PRDM15: variants seen among roughly 807,000 people sequenced by gnomAD.
The protein encoded by PRDM15 is PR domain zinc finger protein 15.
Under a neutral mutation model 128.6 loss-of-function variants are expected in PRDM15, and 64 were observed. That is an observed-to-expected ratio of 0.50 (90% CI 0.41 to 0.61). The LOEUF (loss-of-function observed/expected upper bound fraction) is 0.61. PRDM15 is among the 20% of genes least tolerant of loss of function. The pLI is 0.00. For synonymous variants in PRDM15, 615 were observed against 621.8 expected, an observed-to-expected ratio of 0.99 and a Z score of 0.16; for missense variants, 1,242 against 1,569.1, an observed-to-expected ratio of 0.79 and a Z score of 3.52.
rs761207643 is a variant in PRDM15, at chr21:41,854,656, G to C, written c.448C>G (p.Pro150Ala). The C allele has an allele frequency of 5.0e-6, 8 of 1,613,808 alleles. No homozygotes were observed. Among genetic ancestry groups the C allele is most frequent in the Non-Finnish European group, 6.8e-6 (8 of 1,179,996 alleles). ...TACCACACGCGCAGCTCGGTACCCGGGGGGATGTCTCTGGAGGTGGTGAAG... is the reference window on the plus strand; with the variant it reads ...TACCACACGCGCAGCTCGGTACCCGCGGGGATGTCTCTGGAGGTGGTGAAG... ...VYFTTSRDIP[P>A]GTELRVWYAA... Residue 150 changes from proline to alanine, a missense_variant, in exon 5 of 24, where the codon CCG (proline) becomes GCG (alanine). This residue lies in a region of PRDM15 where 612 missense variants were observed against 717.0 expected (regional missense o/e 0.85). Coordinates refer to ENST00000398548, the MANE Select transcript of PRDM15 (RefSeq NM_001040424.3). The surrounding 1 kb of genome is among the most constrained non-coding windows in gnomAD (Gnocchi z 4.6).
chr21:41,836,186 T>A lies in PRDM15; in HGVS notation c.1205A>T (p.Glu402Val). Residue 402 changes from glutamate to valine, a missense_variant, in exon 10 of 24, where the codon GAA becomes GTA. By Grantham distance (121) the Glu-to-Val change is moderately radical (BLOSUM62 -2). Around this residue, in one of 3 missense-constraint regions of PRDM15, gnomAD observed 612 missense variants for 717.0 expected, o/e 0.85. Transcript: ENST00000398548. ...RSHGDKLFKC[E>V]ECAKLFSRKE... ...GCGGCTGAACAATTTTGCACACTCTTCGCACTTAAACAGCTTGTCACCTGA... is the reference window on the plus strand; with the variant it reads ...GCGGCTGAACAATTTTGCACACTCTACGCACTTAAACAGCTTGTCACCTGA... 1 of 1,613,964 alleles carries A rather than the reference T, an allele frequency of 6.2e-7. No individual in the cohort carries two copies. The highest frequency in any genetic ancestry group is 8.5e-7 in the Non-Finnish European group (1 of 1,179,982).
chr21:41,851,321 T>C (rs2063421736), intron 5 of PRDM15, among the ~76,000 whole-genome samples: 1 of 152,170 alleles, frequency 6.6e-6, no homozygotes, highest in South Asian at 2.1e-4. Flanking sequence ...TCTTCGAAGG[T>C]CTTGTTATCT....
intron 1 of PRDM15, chr21:41,871,961 G>T (rs996464494): frequency 1.2e-4 from 24 of 205,506 alleles, no homozygotes; most frequent in Admixed American, 5.1e-4. Flanking sequence ...AAGGCCCCAG[G>T]ATACAATGGA....
chr21:41,815,979 A>G, intron 18 of PRDM15, 143 bp from the exon 19 acceptor site: 1 of 1,036,178 alleles, frequency 9.7e-7, no homozygotes, highest in Non-Finnish European at 1.4e-6. Flanking sequence ...GATCCCGGTC[A>G]GTCCACCAGC....
chr21:41,815,690 G>A lies in PRDM15; in HGVS notation c.2392+15C>T, dbSNP rs755524202. 46 of 1,611,254 alleles carry A rather than the reference G, an allele frequency of 2.9e-5. No individual in the cohort carries two copies. The Admixed American group carries it at 3.0e-4, about 11-fold the overall frequency. ...GTGAGCGCCGTGGCTGGCGCGGCCC[G>A]GGCCTCGGACTCACCCGTGTGCCGC... On this transcript the variant is annotated intron_variant, in intron 19 of 23. Transcript: ENST00000398548.
chr21:41,874,070 G>GAAAAA (rs34938588), intron 1 of PRDM15, among the ~76,000 whole-genome samples: 1 of 107,684 alleles, frequency 9.3e-6, no homozygotes, highest in Non-Finnish European at 1.9e-5. Context: ...TCTGTCTCGG[G>GAAAAA]AAAAAAAAAA....
rs748831520 is a variant in PRDM15 at position 41,834,625 on chromosome 21, C to A, written c.1366+812G>T. 3.6e-6 allele frequency: 5 copies of A among 1,400,478 alleles called. No homozygotes were observed. The East Asian group carries it at 1.0e-4, about 28-fold the overall frequency. The allele number at this position is 1,400,478 out of a possible 1,614,324, so 86.8% of individuals were successfully genotyped here. On this transcript the variant is annotated intron_variant, in intron 11 of 23. Coordinates refer to ENST00000398548, the MANE Select transcript of PRDM15 (RefSeq NM_001040424.3). ...ACCCCTCTGTGCCCCGCTGGGGACC[C>A]CCACTGCTTGGGCCTCCAGTGCCAC...
At position 41,836,558 on chromosome 21, in the gene PRDM15, G is replaced by T; in HGVS notation, c.1093C>A (p.Leu365Ile). The T allele has an allele frequency of 6.2e-7, 1 of 1,613,470 alleles. No individual in the cohort carries two copies. Among genetic ancestry groups the T allele is most frequent in the Non-Finnish European group, 8.5e-7 (1 of 1,179,972 alleles). The change falls in exon 9 of 24, where the codon CTC (leucine) becomes ATC (isoleucine). Residue 365 changes from leucine to isoleucine, a missense_variant. Physicochemically the swap from Leu to Ile is conservative, Grantham distance 5. Coordinates refer to ENST00000398548, the MANE Select transcript of PRDM15 (RefSeq NM_001040424.3). ...TGGTAAACCCGCTTGTGCTCCCCGA[G>T]CTGTTTGATGAGCTTGCGCCGGATG... ...HGIRRKLIKQ[L>I]GEHKRVYQCN...
In PRDM15 at chr21:41,828,157, C is replaced by T. The variant is rs762977344; in HGVS notation, c.1534+9G>A. 9.9e-6 allele frequency: 16 copies of T among 1,612,902 alleles called. No individual in the cohort carries two copies. The highest frequency in any genetic ancestry group is 2.2e-5 in the East Asian group (1 of 44,854). ...TCCCCGCCCGCAGCAGGTGCGCAGGCGGCCTCACCTTCCAGGTGCCGGCGC... is the reference window on the plus strand; with the variant it reads ...TCCCCGCCCGCAGCAGGTGCGCAGGTGGCCTCACCTTCCAGGTGCCGGCGC... On this transcript the variant is annotated intron_variant, in intron 12 of 23. Coordinates refer to ENST00000398548, the MANE Select transcript of PRDM15 (RefSeq NM_001040424.3). The surrounding 1 kb of genome is among the most constrained non-coding windows in gnomAD (Gnocchi z 5.7).
chr21:41,850,115 C>T (rs2063381761), intron 5 of PRDM15, among the ~76,000 whole-genome samples: 12 of 152,096 alleles, frequency 7.9e-5, no homozygotes, highest in Admixed American at 7.9e-4. Flanking sequence ...TCGTTGGAAC[C>T]CATGTGTGTT....
Position 41,810,788 on chromosome 21 carries a change from C to T in PRDM15, c.2441G>A (p.Arg814Lys). The change falls in exon 20 of 24, where the codon AGG becomes AAG. Residue 814 changes from arginine (R) to lysine (K), a missense_variant. This residue lies in a region of PRDM15 where 602 missense variants were observed against 788.3 expected (regional missense o/e 0.76). Transcript: ENST00000398548. The surrounding 1 kb of genome is among the most constrained non-coding windows in gnomAD (Gnocchi z 6.4). ...CELCGKTFSE[R>K]NTMETHKLIH... is the part of the protein sequence containing the mutation. ...GAGCTTGTGGGTCTCCATGGTGTTC[C>T]TCTCGCTGAATGTCTTCCCACACAA... 1.2e-6 allele frequency: 2 copies of T among 1,614,148 alleles called. No homozygotes were observed. Among genetic ancestry groups the T allele is most frequent in the East Asian group, 2.2e-5 (1 of 44,880 alleles).
intron 1 of PRDM15, among the ~76,000 whole-genome samples, chr21:41,863,907 G>A (rs1246885822): frequency 6.6e-6 from 1 of 151,464 alleles, no homozygotes; most frequent in Non-Finnish European, 1.5e-5. Context: ...GCAGTGGCGC[G>A]ATCTCAGCTC....
intron 18 of PRDM15, among the ~76,000 whole-genome samples, chr21:41,816,930 C>T (rs1318120540): frequency 3.3e-5 from 5 of 150,904 alleles, no homozygotes; most frequent in South Asian, 2.1e-4. Context: ...ACTGCTGACA[C>T]GCCCAGACCC....
At chr21:41,807,825 C>T (rs571966676) in intron 21 of PRDM15, among the ~76,000 whole-genome samples, 2 of 152,292 alleles carry the variant, frequency 1.3e-5, no homozygotes, top group South Asian at 2.1e-4. Context: ...AAAATCCCCC[C>T]GCACCACCTT....
chr21:41,836,699 C>T (rs1490114964), intron 8 of PRDM15, 50 bp from the exon 9 acceptor site: 1 of 1,513,468 alleles, frequency 6.6e-7, no homozygotes, highest in African/African-American at 1.4e-5. Flanking sequence ...GAAAAAAGTT[C>T]CAGGTTACAA....
intron 1 of PRDM15, chr21:41,878,937 G>A (rs1356986658): frequency 3.1e-6 from 3 of 958,254 alleles, no homozygotes; most frequent in Non-Finnish European, 3.7e-6. Context: ...GCGGGCGGGG[G>A]GCGCGAGGCA....
chr21:41,819,505 G>C (rs1422653485), intron 18 of PRDM15, 77 bp downstream of exon 18: 6 of 1,058,282 alleles, frequency 5.7e-6, no homozygotes, highest in South Asian at 1.8e-5. Flanking sequence ...CCCAGTTCTC[G>C]CTCATGTCCC....
In PRDM15 at chr21:41,811,130, T is replaced by C. The variant is rs1008650945; in HGVS notation, c.2393-294A>G. ...CACATGTGGACAAGCAGAAAAACGATAGGAATTTCTTTAAAGCATTAATGT... is the reference window on the plus strand; with the variant it reads ...CACATGTGGACAAGCAGAAAAACGACAGGAATTTCTTTAAAGCATTAATGT... On this transcript the variant is annotated intron_variant, in intron 19 of 23. Transcript: ENST00000398548. The surrounding 1 kb of genome is among the most constrained non-coding windows in gnomAD (Gnocchi z 4.1). The C allele has an allele frequency of 2.1e-5, 8 of 389,882 alleles. No homozygotes were observed. The East Asian group carries it at 2.5e-4, about 12-fold the overall frequency. The allele number at this position is 389,882 out of a possible 1,614,324, so 24.2% of individuals were successfully genotyped here. A position where few individuals can be genotyped will look rare whatever the true frequency, so the allele number is the denominator to read the frequency against.
intron 21 of PRDM15, among the ~76,000 whole-genome samples, chr21:41,809,921 G>A (rs914481295): frequency 2.0e-5 from 3 of 152,202 alleles, no homozygotes; most frequent in Admixed American, 6.5e-5. Flanking sequence ...ATTTCAGGGA[G>A]GACGTAATTT....
Sources: gnomAD v4.1 joint callset for allele counts (sites outside exome capture counted in the v4.1 genomes callset) on GRCh38, gnomAD v4.1.1 for gene constraint, gnomAD v4.1.1 regional missense constraint, Gnocchi (gnomAD v3.1) non-coding constraint, MANE v1.5 for transcripts, NCBI Gene and HGNC (gene_info 2026-07-23, HGNC 2026-07-21) for gene names.